MSRB3: variants seen among roughly 807,000 people sequenced by gnomAD.
MSRB3 encodes methionine sulfoxide reductase B3, also known as methionine-R-sulfoxide reductase B3.
Under a neutral mutation model 21.0 loss-of-function variants are expected in MSRB3, and 13 were observed. The ratio of observed to expected loss-of-function variants is 0.62; its 90% CI spans 0.40 to 0.98. MSRB3 has a LOEUF of 0.98. MSRB3 is among the 50% of genes least tolerant of loss of function. The pLI, the probability that MSRB3 is intolerant of heterozygous loss-of-function variation, is 0.00. For synonymous variants in MSRB3, 87 were observed against 88.6 expected, an observed-to-expected ratio of 0.98 and a Z score of 0.10; for missense variants, 199 against 230.3, an observed-to-expected ratio of 0.86 and a Z score of 0.88.
chr12:65,342,360 T>C (rs1298045709), intron 4 of MSRB3, among the ~76,000 whole-genome samples: 1 of 151,652 alleles, frequency 6.6e-6, no homozygotes, highest in African/African-American at 2.4e-5. Context: ...GAATAAGAAA[T>C]ACATATGATC....
At chr12:65,290,496 C>G (rs181959607) in intron 1 of MSRB3, among the ~76,000 whole-genome samples, 41 of 152,276 alleles carry the variant, frequency 2.7e-4, no homozygotes, top group Middle Eastern at 6.8e-3. Flanking sequence ...TTCTACTGTA[C>G]GACACCGGTT....
chr12:65,378,163 T>G (rs75319607), intron 5 of MSRB3, among the ~76,000 whole-genome samples: 1,808 of 152,294 alleles, frequency 0.012, 42 homozygotes, highest in African/African-American at 0.042. Flanking sequence ...CCTGTAATTA[T>G]TATCTAGTGG....
intron 5 of MSRB3, among the ~76,000 whole-genome samples, chr12:65,437,251 G>A (rs1056644554): frequency 1.3e-5 from 2 of 151,856 alleles, no homozygotes; most frequent in Non-Finnish European, 2.9e-5. Flanking sequence ...GACTTAAGGA[G>A]ATTTATGGAC....
At chr12:65,391,277 T>C (rs1419391333) in intron 5 of MSRB3, among the ~76,000 whole-genome samples, 1 of 152,132 alleles carries the variant, frequency 6.6e-6, no homozygotes, top group Non-Finnish European at 1.5e-5. Flanking sequence ...CAATAATGGG[T>C]AGATTGTCTC....
At position 65,323,003 on chromosome 12, in the gene MSRB3, T is replaced by C. The variant is rs556235751; in HGVS notation, c.77-3823T>C. On this transcript the variant is annotated intron_variant, in intron 2 of 6. Coordinates refer to ENST00000308259, the MANE Select transcript of MSRB3 (RefSeq NM_001031679.3). ...AAATACTGTTCCCAGGGAATTATTA[T>C]AGAAAAAGAATTACCAATAAAAGAT... Among the ~76,000 whole-genome samples, 44 of 152,336 alleles carry C rather than the reference T, an allele frequency of 2.9e-4. No homozygotes were observed. The South Asian group carries it at 8.9e-3, about 31-fold the overall frequency.
intron 5 of MSRB3, among the ~76,000 whole-genome samples, chr12:65,428,868 T>G (rs1445734621): frequency 6.6e-6 from 1 of 152,164 alleles, no homozygotes; most frequent in African/African-American, 2.4e-5. Context: ...ATATGGGGTG[T>G]CCTCCCTTGG....
chr12:65,294,771 G>A (rs1230107256), intron 1 of MSRB3, among the ~76,000 whole-genome samples: 1 of 151,968 alleles, frequency 6.6e-6, no homozygotes, highest in Non-Finnish European at 1.5e-5. Context: ...TGTTCTTTTT[G>A]TGATTTTTTC....
chr12:65,336,391 G>A (rs1047441233), intron 4 of MSRB3, among the ~76,000 whole-genome samples: 2 of 152,032 alleles, frequency 1.3e-5, no homozygotes, highest in African/African-American at 2.4e-5. Flanking sequence ...ATATACACAC[G>A]GAAAAGAACT....
chr12:65,356,484 G>T (rs1162026306), intron 4 of MSRB3, among the ~76,000 whole-genome samples: 2 of 151,736 alleles, frequency 1.3e-5, no homozygotes, highest in Admixed American at 1.3e-4. Flanking sequence ...TATTCCCATA[G>T]GTTATTGAGG....
chr12:65,460,448 A>C (rs932335038), intron 6 of MSRB3, among the ~76,000 whole-genome samples: 1 of 152,212 alleles, frequency 6.6e-6, no homozygotes, highest in Middle Eastern at 3.2e-3. Flanking sequence ...CTGCGTGGTT[A>C]GGCTTCCCTC....
At chr12:65,332,272 A>G (rs1233981847) in intron 4 of MSRB3, among the ~76,000 whole-genome samples, 1 of 151,770 alleles carries the variant, frequency 6.6e-6, no homozygotes, top group Admixed American at 6.6e-5. Context: ...GCTTTGAACA[A>G]AAGTGTAGGA....
intron 1 of MSRB3, among the ~76,000 whole-genome samples, chr12:65,303,066 C>G (rs952379005): frequency 6.6e-6 from 1 of 151,906 alleles, no homozygotes; most frequent in African/African-American, 2.4e-5. Flanking sequence ...CTGTTGGCTC[C>G]TACAGTTCTG....
At chr12:65,281,162 G>A (rs1052898785) in intron 1 of MSRB3, among the ~76,000 whole-genome samples, 5 of 152,190 alleles carry the variant, frequency 3.3e-5, no homozygotes, top group African/African-American at 1.2e-4. Flanking sequence ...CAGGGAGATC[G>A]AGGCTGTGGT....
chr12:65,306,426 G>A (rs1396994696), intron 1 of MSRB3, among the ~76,000 whole-genome samples: 1 of 152,164 alleles, frequency 6.6e-6, no homozygotes, highest in Non-Finnish European at 1.5e-5. Flanking sequence ...CATATTTTCA[G>A]AGTGGTTTAT....
At chr12:65,434,615 A>G (rs550608589) in intron 5 of MSRB3, among the ~76,000 whole-genome samples, 49 of 151,992 alleles carry the variant, frequency 3.2e-4, no homozygotes, top group African/African-American at 1.1e-3. Context: ...CAGTGAAGGA[A>G]CATGAATGAC....
intron 4 of MSRB3, among the ~76,000 whole-genome samples, chr12:65,333,797 C>T (rs1404671977): frequency 6.6e-6 from 1 of 152,192 alleles, no homozygotes; most frequent in Non-Finnish European, 1.5e-5. Flanking sequence ...CTTGTCTACC[C>T]TCTTGGAGTG....
intron 4 of MSRB3, among the ~76,000 whole-genome samples, chr12:65,358,935 A>G (rs1316285202): frequency 6.6e-6 from 1 of 151,788 alleles, no homozygotes; most frequent in African/African-American, 2.4e-5. Flanking sequence ...TCCTGGATGC[A>G]TTGGCCTCCC....
intron 4 of MSRB3, among the ~76,000 whole-genome samples, chr12:65,352,242 A>C (rs372522921): frequency 6.6e-6 from 1 of 152,020 alleles, no homozygotes; most frequent in Admixed American, 6.6e-5. Flanking sequence ...ATGCAGAAAA[A>C]GCCTTTGACA....
chr12:65,391,024 G>A (rs1879455991), intron 5 of MSRB3, among the ~76,000 whole-genome samples: 1 of 152,136 alleles, frequency 6.6e-6, no homozygotes, highest in African/African-American at 2.4e-5. Context: ...TGTTCCAGTT[G>A]TTTTTAAATT....
Sources: gnomAD v4.1 joint callset for allele counts (sites outside exome capture counted in the v4.1 genomes callset) on GRCh38, gnomAD v4.1.1 for gene constraint, MANE v1.5 for transcripts, NCBI Gene and HGNC (gene_info 2026-07-23, HGNC 2026-07-21) for gene names.